The following HLTF variants were observed in gnomAD, a reference collection of about 807,000 sequenced individuals.
HLTF encodes helicase like transcription factor.
In HLTF, 127 loss-of-function variants were observed where a neutral mutation model predicts 129.4. The ratio of observed to expected loss-of-function variants is 0.98; its 90% CI spans 0.85 to 1.14. The LOEUF is 1.14. Ranked by LOEUF, HLTF falls within the 50% of genes most tolerant of loss-of-function variation. HLTF has a pLI of 0.00. For synonymous variants in HLTF, 332 were observed against 388.8 expected (o/e 0.85, Z 1.72); for missense variants, 1,139 against 1,187.1 (o/e 0.96, Z 0.60).
rs1394844806 is a variant in HLTF, at chr3:149,084,902, A to T, written c.21-13T>A. On this transcript the variant is annotated splice_polypyrimidine_tract_variant and intron_variant, in intron 1 of 24. Coordinates refer to ENST00000310053, the MANE Select transcript of HLTF (RefSeq NM_003071.4). ...CCAAACTGGATCCCTATTTTTTTTT[A>T]AAGGCAAAGAAAAACAATATAATAT... 105 of 1,504,826 alleles carry T rather than the reference A, an allele frequency of 7.0e-5. No individual in the cohort carries two copies. The highest frequency in any genetic ancestry group is 8.4e-5 in the Non-Finnish European group (91 of 1,087,980). The allele number at this position is 1,504,826 out of a possible 1,614,324, so 93.2% of individuals were successfully genotyped here.
intron 8 of HLTF, among the ~76,000 whole-genome samples, chr3:149,066,512 T>TA (rs1356674104): frequency 6.6e-6 from 1 of 151,988 alleles, no homozygotes; most frequent in East Asian, 1.9e-4. Context: ...TATCTAAACA[T>TA]ACTTGAAAGA....
In HLTF at chr3:149,031,031, A is replaced by G. The variant is rs1714987127; in HGVS notation, c.*1189T>C. 1 of 152,202 alleles carries G rather than the reference A, an allele frequency of 6.6e-6. No individual in the cohort carries two copies. The highest frequency in any genetic ancestry group is 6.5e-5 in the Admixed American group (1 of 15,272). 9.4% of individuals were successfully genotyped at this position (152,202 alleles called of 1,614,324 possible). ...AGAGTAATTAATCTTTCTTTGGATT[A>G]AAGTTTCCCTTTGAAATAAAACCAC... On this transcript the variant is annotated 3_prime_UTR_variant, in exon 25 of 25. Transcript: ENST00000310053.
chr3:149,069,652 TG>T (rs1190470178), intron 7 of HLTF, among the ~76,000 whole-genome samples: 1 of 152,146 alleles, frequency 6.6e-6, no homozygotes, highest in Non-Finnish European at 1.5e-5. Context: ...TCACTCAAGA[TG>T]GGAGTTATAA....
In HLTF at chr3:149,086,533, T is replaced by G; in HGVS notation, c.-197A>C. ...GACGCCGTCTCCTTCTGCAACAATC[T>G]GGGAGACCAGCGTCGCTCTGTGACT... On this transcript the variant is annotated 5_prime_UTR_variant, in exon 1 of 25. Coordinates refer to ENST00000310053, the MANE Select transcript of HLTF (RefSeq NM_003071.4). 1 of 623,724 alleles carries G rather than the reference T, an allele frequency of 1.6e-6. No homozygotes were observed. The highest frequency in any genetic ancestry group is 1.9e-5 in the South Asian group (1 of 51,418). 38.6% of individuals were successfully genotyped at this position (623,724 alleles called of 1,614,324 possible).
intron 14 of HLTF, 92 bp downstream of exon 14, chr3:149,055,211 T>C: frequency 2.5e-6 from 2 of 811,716 alleles, no homozygotes; most frequent in East Asian, 5.4e-5. Context: ...CCAAGTATAT[T>C]TACCCCAATG....
intron 19 of HLTF, 64 bp downstream of exon 19, chr3:149,042,102 T>A (rs1239138219): frequency 1.3e-5 from 19 of 1,469,622 alleles, no homozygotes; most frequent in Middle Eastern, 1.8e-4. Flanking sequence ...ATAAAAAAAA[T>A]TTATCACTCT....
At chr3:149,063,592 T>G in intron 9 of HLTF, 68 bp from the exon 10 acceptor site, 1 of 889,956 alleles carries the variant, frequency 1.1e-6, no homozygotes. Flanking sequence ...TTATCCCTCT[T>G]AAAACCTTGG....
At chr3:149,035,967 C>T (rs1468313398) in intron 23 of HLTF, among the ~76,000 whole-genome samples, 2 of 151,686 alleles carry the variant, frequency 1.3e-5, no homozygotes, top group African/African-American at 4.8e-5. Context: ...AACCCCATCT[C>T]TACTAAAAAT....
intron 23 of HLTF, among the ~76,000 whole-genome samples, chr3:149,036,192 A>G (rs936092813): frequency 1.3e-5 from 2 of 152,074 alleles, no homozygotes; most frequent in Non-Finnish European, 2.9e-5. Flanking sequence ...CAACAATGAA[A>G]AGGGAAGAAT....
chr3:149,039,345 G>T, intron 22 of HLTF, 116 bp from the exon 23 acceptor site: 1 of 813,920 alleles, frequency 1.2e-6, no homozygotes, highest in Non-Finnish European at 1.8e-6. Flanking sequence ...TTTAACAAAT[G>T]TTTATTGAAC....
At position 149,059,596 on chromosome 3, in the gene HLTF, T is replaced by G. The variant is rs1263577161; in HGVS notation, c.1375+122A>C. 1.9e-5 allele frequency: 12 copies of G among 636,636 alleles called. No homozygotes were observed. In the Admixed American group the frequency reaches 3.7e-4, roughly 19 times the overall value. The allele number at this position is 636,636 out of a possible 1,614,324, so 39.4% of individuals were successfully genotyped here. A position where few individuals can be genotyped will look rare whatever the true frequency, so the allele number is the denominator to read the frequency against. ...TTGTTCTTTTAATGGGTTATATACT[T>G]TAAAAAATAGTCTCTATTTTCTAAA... On this transcript the variant is annotated intron_variant, in intron 13 of 24. Coordinates refer to ENST00000310053, the MANE Select transcript of HLTF (RefSeq NM_003071.4).
chr3:149,061,243 T>C (rs1275987597), intron 10 of HLTF, among the ~76,000 whole-genome samples: 8 of 151,858 alleles, frequency 5.3e-5, no homozygotes. Flanking sequence ...CGAATTTCAC[T>C]ATTATTAAAA....
Position 149,074,366 on chromosome 3 carries a change from A to C in HLTF, c.396-18T>G. Reference sequence around the variant, plus strand: ...GAACTACCCTATTATATTTGGGAGAAAAAGAAAGGGAAATCAGAAGCATTA... The same window carrying C: ...GAACTACCCTATTATATTTGGGAGACAAAGAAAGGGAAATCAGAAGCATTA... On this transcript the variant is annotated intron_variant, in intron 3 of 24. Transcript: ENST00000310053. 1 of 1,583,484 alleles carries C rather than the reference A, an allele frequency of 6.3e-7. No homozygotes were observed. Among genetic ancestry groups the C allele is most frequent in the Non-Finnish European group, 8.6e-7 (1 of 1,167,570 alleles).
At position 149,060,797 on chromosome 3, in the gene HLTF, A is replaced by C. The variant is rs1470901859; in HGVS notation, c.1222T>G (p.Leu408Val). The C allele has an allele frequency of 2.5e-6, 4 of 1,613,384 alleles. No individual in the cohort carries two copies. The highest frequency in any genetic ancestry group is 3.4e-6 in the Non-Finnish European group (4 of 1,179,512). ...ATGTTACCTTTCATTTTCTGCGGCAATTCACTTGTTTCAATTTCCTCTGAA... is the reference window on the plus strand; with the variant it reads ...ATGTTACCTTTCATTTTCTGCGGCACTTCACTTGTTTCAATTTCCTCTGAA... ...SDSEEIETSE[L>V]PQKMKGKLKN... is the part of the protein sequence containing the mutation. The change falls in exon 11 of 25, where the codon TTG becomes GTG. Residue 408 changes from leucine (L) to valine (V), a missense_variant. By Grantham distance (32) the Leu-to-Val change is conservative. Coordinates refer to ENST00000310053, the MANE Select transcript of HLTF (RefSeq NM_003071.4).
chr3:149,082,209 A>T (rs577899381), intron 2 of HLTF, among the ~76,000 whole-genome samples: 170 of 152,356 alleles, frequency 1.1e-3, no homozygotes, highest in African/African-American at 3.7e-3. Flanking sequence ...CTGTAATCCC[A>T]GCACTTTGGG....
At chr3:149,070,569 G>C (rs1559877356) in intron 7 of HLTF, among the ~76,000 whole-genome samples, 1 of 152,090 alleles carries the variant, frequency 6.6e-6, no homozygotes, top group Non-Finnish European at 1.5e-5. Flanking sequence ...TGAGTAGAAA[G>C]GGTTACTGAG....
chr3:149,032,138 ATCTCATTTCTAAAACTCTGTATTTT>A lies in HLTF; in HGVS notation c.*57_*81del, dbSNP rs1715113858. On this transcript the variant is annotated 3_prime_UTR_variant, in exon 25 of 25. Coordinates refer to ENST00000310053, the MANE Select transcript of HLTF (RefSeq NM_003071.4). ...CCCTTTTAGAAGACGTGTTCTCTAG[ATCTCATTTCTAAAACTCTGTATTTT>A]TCTCATTTCTAAAACTTAAGTATCC... 2 of 1,074,160 alleles carry A rather than the reference ATCTCATTTCTAAAACTCTGTATTTT, an allele frequency of 1.9e-6. No individual in the cohort carries two copies. The highest frequency in any genetic ancestry group is 2.6e-6 in the Non-Finnish European group (2 of 760,998). The allele number at this position is 1,074,160 out of a possible 1,614,324, so 66.5% of individuals were successfully genotyped here.
In HLTF at chr3:149,041,895, A is replaced by G. The variant is rs1318188451; in HGVS notation, c.2198-227T>C. 3 of 577,604 alleles carry G rather than the reference A, an allele frequency of 5.2e-6. No individual in the cohort carries two copies. The African/African-American group carries it at 5.6e-5, about 11-fold the overall frequency. The allele number at this position is 577,604 out of a possible 1,614,324, so 35.8% of individuals were successfully genotyped here. A position where few individuals can be genotyped will look rare whatever the true frequency, so the allele number is the denominator to read the frequency against. ...AGAGAAGCATCATTATAACATGACA[A>G]TAACATACCACCACACAATAAAAGG... On this transcript the variant is annotated intron_variant, in intron 19 of 24. Transcript: ENST00000310053.
intron 14 of HLTF, among the ~76,000 whole-genome samples, chr3:149,052,901 T>C (rs946091954): frequency 6.6e-6 from 1 of 152,216 alleles, no homozygotes; most frequent in Admixed American, 6.5e-5. Flanking sequence ...GAGAGAACTA[T>C]AGTTACTCCA....
Sources: gnomAD v4.1 joint callset for allele counts (sites outside exome capture counted in the v4.1 genomes callset) on GRCh38, gnomAD v4.1.1 for gene constraint, MANE v1.5 for transcripts, NCBI Gene and HGNC (gene_info 2026-07-23, HGNC 2026-07-21) for gene names.